RALGAPA2: variants seen among roughly 807,000 people sequenced by gnomAD.
The protein encoded by RALGAPA2 is ral GTPase-activating protein subunit alpha-2.
RALGAPA2 carries 139 observed loss-of-function variants against 230.4 expected under a neutral mutation model. That is an observed-to-expected ratio of 0.60 (90% confidence interval 0.53 to 0.69). The LOEUF (loss-of-function observed/expected upper bound fraction) is 0.69. RALGAPA2 is among the 30% of genes least tolerant of loss of function. The pLI, the probability that RALGAPA2 is intolerant of heterozygous loss-of-function variation, is 0.00. For synonymous variants in RALGAPA2, 847 were observed against 837.8 expected (o/e 1.01, Z -0.19); for missense variants, 2,163 against 2,276.0 (o/e 0.95, Z 1.01).
chr20:20,468,139 CA>C (rs2061460299), intron 37 of RALGAPA2, among the ~76,000 whole-genome samples: 1 of 152,138 alleles, frequency 6.6e-6, no homozygotes, highest in Admixed American at 6.5e-5. Flanking sequence ...GGATCCAAAA[CA>C]AAAATAGTAG....
At chr20:20,536,543 T>C (rs2063502300) in intron 25 of RALGAPA2, 113 bp downstream of exon 25, 3 of 1,213,250 alleles carry the variant, frequency 2.5e-6, no homozygotes, top group East Asian at 2.7e-5. Context: ...ATTTAAAAGA[T>C]ACAGCAAAAC....
intron 4 of RALGAPA2, among the ~76,000 whole-genome samples, chr20:20,646,282 C>T (rs2067212669): frequency 6.6e-6 from 1 of 152,120 alleles, no homozygotes; most frequent in African/African-American, 2.4e-5. Context: ...CCTTGGCCTC[C>T]CAAAGTCCTG....
intron 26 of RALGAPA2, among the ~76,000 whole-genome samples, chr20:20,534,409 C>A (rs2145593179): frequency 6.6e-6 from 1 of 151,294 alleles, no homozygotes; most frequent in East Asian, 1.9e-4. Flanking sequence ...TGTGCCACTG[C>A]ACTCCAGCCT....
chr20:20,662,580 A>G (rs2067818928), intron 3 of RALGAPA2, among the ~76,000 whole-genome samples: 1 of 152,240 alleles, frequency 6.6e-6, no homozygotes, highest in Non-Finnish European at 1.5e-5. Context: ...AGTATTGTTA[A>G]TCACTAAGCT....
chr20:20,467,859 GT>G (rs1239258352), intron 37 of RALGAPA2, among the ~76,000 whole-genome samples: 8 of 152,094 alleles, frequency 5.3e-5, no homozygotes, highest in East Asian at 1.9e-4. Context: ...ATAATTTTAA[GT>G]TTTTAATAAA....
At chr20:20,644,849 G>C (rs6132329) in intron 4 of RALGAPA2, among the ~76,000 whole-genome samples, 11,100 of 152,212 alleles carry the variant, frequency 0.073, 532 homozygotes, top group East Asian at 0.16. Flanking sequence ...CATTCTTGGA[G>C]AGTTTGTTCT....
chr20:20,591,198 G>A lies in RALGAPA2; in HGVS notation c.2320C>T (p.Leu774=), dbSNP rs748355612. The A allele has an allele frequency of 1.6e-5, 26 of 1,613,722 alleles. No individual in the cohort carries two copies. The highest frequency in any genetic ancestry group is 1.9e-5 in the Non-Finnish European group (23 of 1,179,794). ...GTACCCTGAGAAGAATCTGAGCACA[G>A]CGGCTCGGGGATGTCGGAGGTGCTG... ...SSSTSDIPEP[L]CSDSSQGQKA... The change falls in exon 17 of 40, where the codon CTG becomes TTG. Residue 774 remains leucine, a synonymous_variant. Transcript: ENST00000202677.
intron 3 of RALGAPA2, among the ~76,000 whole-genome samples, chr20:20,662,468 A>G (rs2067814793): frequency 1.3e-5 from 2 of 152,188 alleles, no homozygotes; most frequent in Non-Finnish European, 2.9e-5. Context: ...ACAATGCAAG[A>G]ACTAAGTTTT....
intron 38 of RALGAPA2, among the ~76,000 whole-genome samples, chr20:20,408,503 C>G (rs1261173226): frequency 6.6e-6 from 1 of 152,176 alleles, no homozygotes; most frequent in East Asian, 1.9e-4. Context: ...CTATTTATAT[C>G]TTTTCTGATA....
chr20:20,468,488 C>A (rs982839222), intron 37 of RALGAPA2, among the ~76,000 whole-genome samples: 1 of 152,156 alleles, frequency 6.6e-6, no homozygotes, highest in Non-Finnish European at 1.5e-5. Context: ...TCTTACCTTG[C>A]AGTAATTCAG....
chr20:20,712,476 A>C lies in RALGAPA2; in HGVS notation c.5T>G (p.Phe2Cys). 6.5e-7 allele frequency: 1 copy of C among 1,547,108 alleles called. No homozygotes were observed. The highest frequency in any genetic ancestry group is 8.7e-7 in the Non-Finnish European group (1 of 1,145,364). Residue 2 changes from phenylalanine (F) to cysteine (C), a missense_variant, in exon 1 of 40, where the codon TTC becomes TGC. Phe to Cys is a radical substitution (Grantham distance 205, BLOSUM62 -2). Coordinates refer to ENST00000202677, the MANE Select transcript of RALGAPA2 (RefSeq NM_020343.4). This position sits in a 1 kb window ranked among gnomAD's most constrained non-coding sequence, Gnocchi z 5.5. The stretch of plus-strand genomic sequence containing the variant: ...CACATCCCCGTGGCTCCTTCGGGAG[A>C]ACATCCCGCGGCAGGAAGCCCGGGC... M[F>C]SRRSHGDVKK...
chr20:20,573,100 A>T, intron 20 of RALGAPA2, 32 bp from the exon 21 acceptor site: 2 of 1,519,942 alleles, frequency 1.3e-6, no homozygotes, highest in East Asian at 4.8e-5. Flanking sequence ...TTAACCCTGT[A>T]AACAATCTTG....
chr20:20,512,796 C>T lies in RALGAPA2; in HGVS notation c.4573G>A (p.Glu1525Lys), dbSNP rs1176474805. The T allele has an allele frequency of 1.2e-6, 2 of 1,613,836 alleles. No homozygotes were observed. The highest frequency in any genetic ancestry group is 2.7e-5 in the African/African-American group (2 of 75,018). The change falls in exon 32 of 40, where the codon GAA becomes AAA. Residue 1525 changes from glutamate to lysine, a missense_variant. Transcript: ENST00000202677. ...EGDDVLDKLLENIGHTSPECL... is the reference protein window; with the variant it reads ...EGDDVLDKLLKNIGHTSPECL... ...TCAGGACTTGTATGGCCAATGTTTT[C>T]AAGTAATTTGTCAAGAACATCATCC...
At chr20:20,542,746 T>C (rs1602718061) in intron 24 of RALGAPA2, among the ~76,000 whole-genome samples, 1 of 152,096 alleles carries the variant, frequency 6.6e-6, no homozygotes, top group Admixed American at 6.6e-5. Flanking sequence ...TTACACCTTA[T>C]ACAAAAATTA....
At chr20:20,426,334 C>T (rs1040608099) in intron 37 of RALGAPA2, among the ~76,000 whole-genome samples, 1 of 152,200 alleles carries the variant, frequency 6.6e-6, no homozygotes, top group Admixed American at 6.5e-5. Context: ...ATGACTTACT[C>T]TGGTTTCATA....
intron 37 of RALGAPA2, among the ~76,000 whole-genome samples, chr20:20,426,677 C>G (rs985195239): frequency 6.6e-6 from 1 of 152,168 alleles, no homozygotes; most frequent in Non-Finnish European, 1.5e-5. Context: ...CAGAGATCAT[C>G]AGCAACACAC....
chr20:20,639,784 C>T lies in RALGAPA2; in HGVS notation c.666+1G>A. On this transcript the variant is annotated splice_donor_variant, in intron 7 of 39. Coordinates refer to ENST00000202677, the MANE Select transcript of RALGAPA2 (RefSeq NM_020343.4). LOFTEE classifies it high-confidence loss of function. ...TGAAATAGTCATAATTTTTCTCTGA[C>T]CTGAATAACCATATACTTCAACAGT... The T allele has an allele frequency of 6.3e-7, 1 of 1,594,840 alleles. No individual in the cohort carries two copies. Among genetic ancestry groups the T allele is most frequent in the Non-Finnish European group, 8.6e-7 (1 of 1,162,778 alleles).
chr20:20,461,169 C>T (rs929664750), intron 37 of RALGAPA2, among the ~76,000 whole-genome samples: 1 of 152,124 alleles, frequency 6.6e-6, no homozygotes, highest in Non-Finnish European at 1.5e-5. Flanking sequence ...GTGCATATGT[C>T]ATTATAAGCA....
intron 31 of RALGAPA2, among the ~76,000 whole-genome samples, chr20:20,518,283 C>T (rs2062935051): frequency 6.6e-6 from 1 of 152,180 alleles, no homozygotes; most frequent in Admixed American, 6.5e-5. Context: ...TCTGGATCTC[C>T]TGACCTCGTG....
Sources: allele counts gnomAD v4.1 joint callset (sites outside exome capture counted in the v4.1 genomes callset), GRCh38; gene constraint gnomAD v4.1.1; non-coding constraint Gnocchi (gnomAD v3.1); transcripts MANE v1.5; gene names NCBI Gene and HGNC (gene_info 2026-07-23, HGNC 2026-07-21).